The following PARD3 variants were observed in gnomAD, a reference collection of about 807,000 sequenced individuals.
PARD3 encodes partitioning defective 3 homolog.
A neutral mutation model predicts 155.4 loss-of-function variants in PARD3; 75 were observed. The ratio of observed to expected loss-of-function variants is 0.48; its 90% CI spans 0.40 to 0.58. PARD3 has a LOEUF of 0.58. PARD3 is among the 20% of genes least tolerant of loss of function. The pLI, the probability that PARD3 is intolerant of heterozygous loss-of-function variation, is 0.00. For missense variants in PARD3, 1,642 were observed against 1,721.7 expected (o/e 0.95, Z 0.82); for synonymous variants, 576 against 610.5 (o/e 0.94, Z 0.83).
rs571917046 is a variant in PARD3 at position 34,799,084 on chromosome 10, C to T, written c.120+15792G>A. Among the ~76,000 whole-genome samples, 5 of 152,302 alleles carry T rather than the reference C, an allele frequency of 3.3e-5. 1 individual carries two copies. Among genetic ancestry groups the T allele is most frequent in the African/African-American group, 1.2e-4 (5 of 41,568 alleles). On this transcript the variant is annotated intron_variant, in intron 1 of 24. Transcript: ENST00000374788. ...TCTAGCACCAACTGGGGATGTCACTCAGGCTGAAGTGCAGTGGCGCAATCT... is the reference window on the plus strand; with the variant it reads ...TCTAGCACCAACTGGGGATGTCACTTAGGCTGAAGTGCAGTGGCGCAATCT...
At chr10:34,632,821 T>A (rs2092323461) in intron 2 of PARD3, among the ~76,000 whole-genome samples, 1 of 152,218 alleles carries the variant, frequency 6.6e-6, no homozygotes, top group Admixed American at 6.5e-5. Context: ...ACAGAAGGAA[T>A]CAATTATCAT....
At chr10:34,122,037 GAGCAATGGGA>G (rs1947033798) in intron 23 of PARD3, among the ~76,000 whole-genome samples, 1 of 152,202 alleles carries the variant, frequency 6.6e-6, no homozygotes, top group Non-Finnish European at 1.5e-5. Flanking sequence ...TTGTCACGGT[GAGCAATGGGA>G]AGCTTGAGAT....
At chr10:34,212,661 CA>C (rs1951810283) in intron 22 of PARD3, among the ~76,000 whole-genome samples, 3 of 146,254 alleles carry the variant, frequency 2.1e-5, no homozygotes, top group South Asian at 2.2e-4. Context: ...TCAGTTGGGG[CA>C]GGGGGGGTTC....
chr10:34,384,191 A>C lies in PARD3; in HGVS notation c.954T>G (p.Phe318Leu), dbSNP rs61735567. The change falls in exon 8 of 25, where the codon TTT becomes TTG. Residue 318 changes from phenylalanine (F) to leucine (L), a missense_variant. Phe to Leu is a conservative substitution (Grantham distance 22). Around this residue, in one of 3 missense-constraint regions of PARD3, gnomAD observed 1,529 missense variants for 1,587.3 expected, o/e 0.96. Transcript: ENST00000374788. Reference protein sequence around the residue: ...KGGKAEHENLFRENDCIVRIN... With the variant: ...KGGKAEHENLLRENDCIVRIN... ...TCCTGACAATGCAATCATTCTCACG[A>C]AAAAGATTTTCATGTTCAGCTTTAC... is the stretch of plus-strand genomic sequence containing the variant. The C allele has an allele frequency of 1.2e-6, 2 of 1,613,714 alleles. No homozygotes were observed. The highest frequency in any genetic ancestry group is 1.3e-5 in the African/African-American group (1 of 74,928).
At chr10:34,576,515 GA>G (rs892014494) in intron 2 of PARD3, among the ~76,000 whole-genome samples, 13 of 145,772 alleles carry the variant, frequency 8.9e-5, no homozygotes, top group African/African-American at 2.3e-4. Flanking sequence ...AGGGACAAAA[GA>G]AAAAAAAAAG....
At chr10:34,127,765 C>G (rs1291823775) in intron 23 of PARD3, among the ~76,000 whole-genome samples, 2 of 152,162 alleles carry the variant, frequency 1.3e-5, no homozygotes, top group African/African-American at 4.8e-5. Context: ...CCATATTCAG[C>G]TGCTGTTTTC....
chr10:34,419,192 TC>T (rs1845955901), intron 5 of PARD3, among the ~76,000 whole-genome samples: 1 of 152,212 alleles, frequency 6.6e-6, no homozygotes, highest in South Asian at 2.1e-4. Context: ...GAGCAAAGGT[TC>T]AGTGTTGAGG....
At chr10:34,696,795 C>A (rs971453277) in intron 1 of PARD3, among the ~76,000 whole-genome samples, 2 of 151,174 alleles carry the variant, frequency 1.3e-5, no homozygotes, top group African/African-American at 4.9e-5. Flanking sequence ...CAGAAATATT[C>A]TAATAAGCAA....
At chr10:34,335,844 T>A (rs1836121113) in intron 18 of PARD3, among the ~76,000 whole-genome samples, 1 of 152,072 alleles carries the variant, frequency 6.6e-6, no homozygotes, top group Non-Finnish European at 1.5e-5. Flanking sequence ...AACCTAGACA[T>A]CACATAGCTG....
At chr10:34,801,916 T>C (rs1431256501) in intron 1 of PARD3, among the ~76,000 whole-genome samples, 1 of 152,200 alleles carries the variant, frequency 6.6e-6, no homozygotes, top group Non-Finnish European at 1.5e-5. Flanking sequence ...CTATTACTAG[T>C]TAATAAACAC....
At chr10:34,410,212 T>C (rs943844617) in intron 5 of PARD3, among the ~76,000 whole-genome samples, 8 of 152,182 alleles carry the variant, frequency 5.3e-5, no homozygotes, top group Non-Finnish European at 8.8e-5. Context: ...GTTAGAGTGA[T>C]TAAAGAACAC....
At chr10:34,120,004 ATTTTTTT>A (rs1185067110) in intron 23 of PARD3, among the ~76,000 whole-genome samples, 87 of 73,818 alleles carry the variant, frequency 1.2e-3, no homozygotes, top group African/African-American at 4.1e-3. Flanking sequence ...GTCTTCTTTA[ATTTTTTT>A]TTTTTTTTTT....
At chr10:34,264,072 T>G (rs1955168639) in intron 22 of PARD3, among the ~76,000 whole-genome samples, 1 of 152,214 alleles carries the variant, frequency 6.6e-6, no homozygotes, top group Non-Finnish European at 1.5e-5. Context: ...ACTTAAGATT[T>G]TTAACTTTAG....
chr10:34,452,627 C>G (rs1469878054), intron 4 of PARD3, among the ~76,000 whole-genome samples: 2 of 152,066 alleles, frequency 1.3e-5, no homozygotes, highest in Non-Finnish European at 2.9e-5. Flanking sequence ...TTCCTCTTCC[C>G]GTAAATGGTC....
chr10:34,129,690 T>C (rs1297209680), intron 23 of PARD3, among the ~76,000 whole-genome samples: 1 of 85,902 alleles, frequency 1.2e-5, no homozygotes, highest in Admixed American at 1.1e-4. Flanking sequence ...TTTTTTGTAA[T>C]GTCAAGCCTC....
At chr10:34,769,958 G>C (rs188687660) in intron 1 of PARD3, among the ~76,000 whole-genome samples, 3 of 151,994 alleles carry the variant, frequency 2.0e-5, no homozygotes, top group African/African-American at 7.3e-5. Context: ...CCCTTCTCTA[G>C]TACACCCTTA....
At chr10:34,344,623 C>G in intron 15 of PARD3, 1 of 985,288 alleles carries the variant, frequency 1.0e-6, no homozygotes, top group Non-Finnish European at 1.2e-6. Flanking sequence ...AGAGACCAAC[C>G]ATTAGAAAAA....
intron 3 of PARD3, among the ~76,000 whole-genome samples, chr10:34,513,254 C>T (rs1240625645): frequency 6.6e-6 from 1 of 152,096 alleles, no homozygotes; most frequent in Non-Finnish European, 1.5e-5. Flanking sequence ...CTTCCTCCAT[C>T]CTATTCTCTC....
chr10:34,314,318 T>G (rs1039491510), intron 20 of PARD3, among the ~76,000 whole-genome samples: 22 of 152,214 alleles, frequency 1.4e-4, no homozygotes, highest in African/African-American at 5.1e-4. Flanking sequence ...TAACAATGCT[T>G]TAACAGTCTT....
Sources: allele counts gnomAD v4.1 joint callset (sites outside exome capture counted in the v4.1 genomes callset), GRCh38; gene constraint gnomAD v4.1.1; regional missense constraint gnomAD v4.1.1; transcripts MANE v1.5; gene names NCBI Gene and HGNC (gene_info 2026-07-23, HGNC 2026-07-21).